Variants in CA1 observed in about 807,000 individuals in gnomAD.
The protein encoded by CA1 is carbonate dehydratase I.
CA1 carries 27 observed loss-of-function variants against 28.8 expected under a neutral mutation model. The observed-to-expected ratio is 0.94, with a 90% CI of 0.69 to 1.29. The LOEUF is 1.29. Among genes scored for constraint, CA1 ranks in the 50% most tolerant of loss-of-function variants. The pLI, the probability that CA1 is intolerant of heterozygous loss-of-function variation, is 0.00. For synonymous variants in CA1, 121 were observed against 108.8 expected, an observed-to-expected ratio of 1.11 and a Z score of -0.70; for missense variants, 335 against 310.5, an observed-to-expected ratio of 1.08 and a Z score of -0.59.
At chr8:85,332,920 G>A (rs1217552753) in intron 5 of CA1, among the ~76,000 whole-genome samples, 1 of 152,054 alleles carries the variant, frequency 6.6e-6, no homozygotes, top group East Asian at 1.9e-4. Context: ...TATTGTAAGT[G>A]CTCAGTAAAG....
Position 85,344,207 on chromosome 8 carries a change from T to C in CA1, c.-24-2548A>G, listed in dbSNP as rs1176017738. Among the ~76,000 whole-genome samples, 3 of 107,304 alleles carry C rather than the reference T, an allele frequency of 2.8e-5. No individual in the cohort carries two copies. In the East Asian group the frequency reaches 6.5e-4, roughly 23 times the overall value. The allele number at this position is 107,304 out of a possible 152,430, so 70.4% of individuals were successfully genotyped here. On this transcript the variant is annotated intron_variant, in intron 1 of 7. Coordinates refer to ENST00000523022, the MANE Select transcript of CA1 (RefSeq NM_001128831.4). ...ATATAATTATATATTATACAGTATA[T>C]AATATAATTATATTATATACAGTAT...
chr8:85,376,984 G>A (rs1349649798), intron 1 of CA1, among the ~76,000 whole-genome samples: 2 of 152,126 alleles, frequency 1.3e-5, no homozygotes, highest in East Asian at 3.9e-4. Context: ...TACAATACTG[G>A]GAGAAGAGAG....
At chr8:85,338,863 G>A (rs935739520) in intron 2 of CA1, among the ~76,000 whole-genome samples, 5 of 151,534 alleles carry the variant, frequency 3.3e-5, no homozygotes, top group Non-Finnish European at 1.5e-5. Context: ...ACAGGAGCAT[G>A]CCACCATGCC....
intron 1 of CA1, among the ~76,000 whole-genome samples, chr8:85,367,738 CT>C (rs945140637): frequency 2.0e-5 from 3 of 152,166 alleles, no homozygotes; most frequent in Non-Finnish European, 4.4e-5. Context: ...AGAAATATTC[CT>C]TGTATACCCT....
intron 1 of CA1, among the ~76,000 whole-genome samples, chr8:85,368,613 T>A (rs1002716376): frequency 4.6e-5 from 7 of 152,170 alleles, no homozygotes; most frequent in African/African-American, 1.7e-4. Flanking sequence ...CTGAAGTAGC[T>A]GAAATGCACA....
intron 1 of CA1, among the ~76,000 whole-genome samples, chr8:85,363,630 A>G (rs1225021731): frequency 1.3e-5 from 2 of 152,252 alleles, no homozygotes; most frequent in Non-Finnish European, 2.9e-5. Context: ...TGCCAATTCT[A>G]TCTTCACAAC....
chr8:85,363,428 A>T (rs1809877817), intron 1 of CA1, among the ~76,000 whole-genome samples: 1 of 152,208 alleles, frequency 6.6e-6, no homozygotes, highest in South Asian at 2.1e-4. Flanking sequence ...CTTTCTGCTA[A>T]AGTGAGCACC....
At chr8:85,353,710 G>A (rs1809497025) in intron 1 of CA1, among the ~76,000 whole-genome samples, 1 of 150,016 alleles carries the variant, frequency 6.7e-6, no homozygotes, top group Admixed American at 6.6e-5. Context: ...TCTTTTTTAT[G>A]GCTTGCCATT....
intron 1 of CA1, among the ~76,000 whole-genome samples, chr8:85,344,208 AATATAATTATAT>A (rs1809052308): frequency 9.5e-6 from 1 of 104,746 alleles, no homozygotes; most frequent in Non-Finnish European, 1.7e-5. Context: ...TACAGTATAT[AATATAATTATAT>A]TATATACAGT....
intron 1 of CA1, among the ~76,000 whole-genome samples, chr8:85,377,029 C>T (rs965878289): frequency 2.6e-5 from 4 of 152,126 alleles, no homozygotes; most frequent in Non-Finnish European, 4.4e-5. Context: ...TAGTCAAATC[C>T]ACAATATTAA....
intron 7 of CA1, among the ~76,000 whole-genome samples, 185 bp from the exon 8 acceptor site, chr8:85,328,861 A>C (rs1322866349): frequency 2.6e-5 from 4 of 152,134 alleles, no homozygotes; most frequent in Non-Finnish European, 4.4e-5. Flanking sequence ...ATTTTGCTTT[A>C]ATTATTGATT....
chr8:85,377,474 G>A (rs925513940), intron 1 of CA1, among the ~76,000 whole-genome samples: 8 of 152,258 alleles, frequency 5.3e-5, no homozygotes, highest in Admixed American at 3.3e-4. Flanking sequence ...GGGAATTAAC[G>A]TCAAATTGAA....
intron 1 of CA1, among the ~76,000 whole-genome samples, chr8:85,364,957 A>G (rs571548380): frequency 1.2e-3 from 187 of 152,282 alleles, no homozygotes; most frequent in African/African-American, 4.4e-3. Context: ...TACTGGCAGC[A>G]ACAGCTGCCG....
chr8:85,360,678 C>A (rs936547844), intron 1 of CA1, among the ~76,000 whole-genome samples: 2 of 152,070 alleles, frequency 1.3e-5, no homozygotes, highest in African/African-American at 4.8e-5. Flanking sequence ...GGGCGACACC[C>A]CCTGTCTCTA....
chr8:85,349,409 A>G (rs556100393), intron 1 of CA1, among the ~76,000 whole-genome samples: 12 of 152,372 alleles, frequency 7.9e-5, no homozygotes, highest in Middle Eastern at 6.8e-3. Context: ...TCTTCCCACT[A>G]TGATAAATTA....
At position 85,336,972 on chromosome 8, in the gene CA1, T is replaced by G; in HGVS notation, c.327A>C (p.Thr109=). The change falls in exon 4 of 8, where the codon ACA becomes ACC. Residue 109 remains threonine (T), a synonymous_variant. Coordinates refer to ENST00000523022, the MANE Select transcript of CA1 (RefSeq NM_001128831.4). ...CGGCAGAATATTTGACTCCATCCAC[T>G]GTATGTTCTGAACCATGCTCATTTG... ...GSTNEHGSEH[T]VDGVKYSAEL... 2.5e-6 allele frequency: 4 copies of G among 1,608,482 alleles called. No homozygotes were observed. Among genetic ancestry groups the G allele is most frequent in the Non-Finnish European group, 3.4e-6 (4 of 1,174,978 alleles).
At chr8:85,350,823 G>A (rs1809380969) in intron 1 of CA1, among the ~76,000 whole-genome samples, 1 of 152,156 alleles carries the variant, frequency 6.6e-6, no homozygotes, top group Non-Finnish European at 1.5e-5. Context: ...GGACTTCTTA[G>A]AACAAATAGG....
intron 3 of CA1, chr8:85,337,360 A>G (rs1808705160): frequency 4.9e-6 from 2 of 412,360 alleles, no homozygotes; most frequent in South Asian, 4.2e-5. Context: ...AGTGAATTAT[A>G]TCATTACAGG....
rs995378662 is a variant in CA1 at position 85,373,887 on chromosome 8, T to C, written c.-25+4159A>G. On this transcript the variant is annotated intron_variant, in intron 1 of 7. Coordinates refer to ENST00000523022, the MANE Select transcript of CA1 (RefSeq NM_001128831.4). ...GGGATAACTAGAATAGTCAAATTTA[T>C]AGAGCTAGAAAATAGAGTAATTGCT... Among the ~76,000 whole-genome samples, 5 of 152,160 alleles carry C rather than the reference T, an allele frequency of 3.3e-5. No homozygotes were observed. The South Asian group carries it at 6.2e-4, about 19-fold the overall frequency.
Sources: gnomAD v4.1 joint callset for allele counts (sites outside exome capture counted in the v4.1 genomes callset) on GRCh38, gnomAD v4.1.1 for gene constraint, MANE v1.5 for transcripts, NCBI Gene and HGNC (gene_info 2026-07-23, HGNC 2026-07-21) for gene names.